The following SLC27A5 variants were observed in gnomAD, a reference collection of about 807,000 sequenced individuals.
The protein encoded by SLC27A5 is solute carrier family 27 member 5.
A neutral mutation model predicts 63.1 loss-of-function variants in SLC27A5; 47 were observed. That is an observed-to-expected ratio of 0.74 (90% CI 0.59 to 0.95). The LOEUF (loss-of-function observed/expected upper bound fraction) is 0.95, where lower values mean the gene tolerates loss of function less well. Among genes scored for constraint, SLC27A5 ranks in the 40% least tolerant of loss-of-function variants. SLC27A5 has a pLI of 0.00. For synonymous variants in SLC27A5, 391 were observed against 403.8 expected (o/e 0.97, Z 0.38); for missense variants, 940 against 921.0 (o/e 1.02, Z -0.27).
chr19:58,499,239 C>T lies in SLC27A5; in HGVS notation c.1668-19G>A, dbSNP rs746537889. ...CTTCCATCTGCAAGGAGGGAGCCGG[C>T]GCTTGTGACCACGCCCCCGGGAAGG... is the stretch of plus-strand genomic sequence containing the variant. On this transcript the variant is annotated intron_variant, in intron 7 of 9. Transcript: ENST00000263093. The T allele has an allele frequency of 3.1e-6, 5 of 1,610,088 alleles. No homozygotes were observed. Among genetic ancestry groups the T allele is most frequent in the Non-Finnish European group, 4.2e-6 (5 of 1,177,638 alleles).
At position 58,499,173 on chromosome 19, in the gene SLC27A5, G is replaced by A; in HGVS notation, c.1715C>T (p.Ser572Leu). 1 of 1,613,992 alleles carries A rather than the reference G, an allele frequency of 6.2e-7. No homozygotes were observed. The highest frequency in any genetic ancestry group is 8.5e-7 in the Non-Finnish European group (1 of 1,180,036). The change falls in exon 8 of 10, where the codon TCG (serine) becomes TTG (leucine). Residue 572 changes from serine to leucine, a missense_variant. Coordinates refer to ENST00000263093, the MANE Select transcript of SLC27A5 (RefSeq NM_012254.3). ...AACCTGTTGCAAGAAGTCCACCTGC[G>A]ACAACACGCCCTCCACCTCGTGCGT... ...VSTHEVEGVL[S>L]QVDFLQQVNV...
chr19:58,502,080 T>C (rs985786175), intron 3 of SLC27A5, among the ~76,000 whole-genome samples: 5 of 152,126 alleles, frequency 3.3e-5, no homozygotes, highest in Non-Finnish European at 7.3e-5. Flanking sequence ...GGCAGGTGGA[T>C]GGATATGGTG....
At chr19:58,510,037 G>T (rs370721451) in intron 2 of SLC27A5, 32 bp from the exon 3 acceptor site, 7 of 1,604,214 alleles carry the variant, frequency 4.4e-6, no homozygotes, top group Non-Finnish European at 6.0e-6. Context: ...GGGCAGGGTG[G>T]TGACATGACA....
At chr19:58,505,259 C>G (rs538985560) in intron 3 of SLC27A5, among the ~76,000 whole-genome samples, 1 of 151,760 alleles carries the variant, frequency 6.6e-6, no homozygotes, top group South Asian at 2.1e-4. Flanking sequence ...ACCACCATAC[C>G]CAGCTAATTT....
chr19:58,508,612 C>G (rs368702990), intron 3 of SLC27A5: 4 of 151,146 alleles, frequency 2.6e-5, no homozygotes, highest in African/African-American at 9.7e-5. Context: ...TCCCCCGATA[C>G]CACCATGCGT....
Position 58,510,057 on chromosome 19 carries a change from G to A in SLC27A5, c.899-52C>T, listed in dbSNP as rs764449743. 5 of 1,577,456 alleles carry A rather than the reference G, an allele frequency of 3.2e-6. No homozygotes were observed. The Admixed American group carries it at 8.6e-5, about 27-fold the overall frequency. Reference sequence around the variant, plus strand: ...GGGTGGTGACATGACAGCACAGAGAGGGGCCTGACCAGAGGGATAGATCTC... The same window carrying A: ...GGGTGGTGACATGACAGCACAGAGAAGGGCCTGACCAGAGGGATAGATCTC... On this transcript the variant is annotated intron_variant, in intron 2 of 9. Coordinates refer to ENST00000263093, the MANE Select transcript of SLC27A5 (RefSeq NM_012254.3).
At chr19:58,501,076 T>C (rs2053268902) in intron 4 of SLC27A5, 2 of 1,206,576 alleles carry the variant, frequency 1.7e-6, no homozygotes, top group Non-Finnish European at 2.2e-6. Flanking sequence ...ATTATCCCTG[T>C]TTTCCAAATG....
chr19:58,499,089 G>C, intron 8 of SLC27A5, 34 bp downstream of exon 8: 2 of 1,611,416 alleles, frequency 1.2e-6, no homozygotes, highest in African/African-American at 2.7e-5. Context: ...CACCCACAAA[G>C]CTGTTGGAAG....
chr19:58,502,294 G>C (rs10427075), intron 3 of SLC27A5, among the ~76,000 whole-genome samples: 2 of 131,574 alleles, frequency 1.5e-5, no homozygotes, highest in African/African-American at 5.6e-5. Flanking sequence ...TGAACAGTTA[G>C]AGTAGTGAGT....
At position 58,500,386 on chromosome 19, in the gene SLC27A5, G is replaced by A. The variant is rs371196997; in HGVS notation, c.1421C>T (p.Ala474Val). 37 of 1,613,486 alleles carry A rather than the reference G, an allele frequency of 2.3e-5. No individual in the cohort carries two copies. Among genetic ancestry groups the A allele is most frequent in the Non-Finnish European group, 3.0e-5 (35 of 1,179,984 alleles). ...GCCCTGATTGTCCCTCACAGGCTCCGCCGCCTCCATGTCGAACTGCACCAG... is the reference window on the plus strand; with the variant it reads ...GCCCTGATTGTCCCTCACAGGCTCCACCGCCTCCATGTCGAACTGCACCAG... ...FELVQFDMEA[A>V]EPVRDNQGFC... is the part of the protein sequence containing the mutation. The change falls in exon 6 of 10, where the codon GCG becomes GTG. Residue 474 changes from alanine (A) to valine (V), a missense_variant. By Grantham distance (64) the Ala-to-Val change is moderately conservative. Coordinates refer to ENST00000263093, the MANE Select transcript of SLC27A5 (RefSeq NM_012254.3).
intron 5 of SLC27A5, 25 bp downstream of exon 5, chr19:58,500,487 G>A (rs1190133847): frequency 1.2e-6 from 2 of 1,613,588 alleles, no homozygotes; most frequent in African/African-American, 1.3e-5. Flanking sequence ...CAGGGCAGCT[G>A]CACACCAGGT....
chr19:58,502,704 CAGTT>C lies in SLC27A5; in HGVS notation c.1058-1298_1058-1295del, dbSNP rs57172109. Among the ~76,000 whole-genome samples the C allele has an allele frequency of 7.0e-5, 10 of 143,690 alleles. No homozygotes were observed. In the South Asian group the frequency reaches 1.8e-3, roughly 25 times the overall value. The allele number at this position is 143,690 out of a possible 152,430, so 94.3% of individuals were successfully genotyped here. A position where few individuals can be genotyped will look rare whatever the true frequency, so the allele number is the denominator to read the frequency against. On this transcript the variant is annotated intron_variant, in intron 3 of 9. Coordinates refer to ENST00000263093, the MANE Select transcript of SLC27A5 (RefSeq NM_012254.3). ...GTGAGTGAGTAGATGGATGGGTGGA[CAGTT>C]AGAGTAGTGAGTGAGTAGATGGATG...
chr19:58,505,298 C>T (rs951996048), intron 3 of SLC27A5, among the ~76,000 whole-genome samples: 1 of 151,660 alleles, frequency 6.6e-6, no homozygotes, highest in African/African-American at 2.4e-5. Context: ...AGGGTTTCAC[C>T]ATGTTGGCCA....
At position 58,498,590 on chromosome 19, in the gene SLC27A5, G is replaced by T. The variant is rs2053235318; in HGVS notation, c.1998C>A (p.Asp666Glu). Reference protein sequence around the residue: ...GIVVDPLFVLDNRAQSFRPLT... With the variant: ...GIVVDPLFVLENRAQSFRPLT... ...GGGGCCGGAAGGACTGGGCCCGGTTGTCCAGTACAAACAGAGGGTCAACCA... is the reference window on the plus strand; with the variant it reads ...GGGGCCGGAAGGACTGGGCCCGGTTTTCCAGTACAAACAGAGGGTCAACCA... The change falls in exon 10 of 10, where the codon GAC becomes GAA. Residue 666 changes from aspartate (D) to glutamate (E), a missense_variant. Coordinates refer to ENST00000263093, the MANE Select transcript of SLC27A5 (RefSeq NM_012254.3). 2 of 1,614,088 alleles carry T rather than the reference G, an allele frequency of 1.2e-6. No homozygotes were observed. Among genetic ancestry groups the T allele is most frequent in the Non-Finnish European group, 1.7e-6 (2 of 1,180,022 alleles).
intron 6 of SLC27A5, 117 bp downstream of exon 6, chr19:58,500,222 G>A (rs1228746220): frequency 1.6e-5 from 13 of 809,258 alleles, no homozygotes; most frequent in Non-Finnish European, 2.4e-5. Context: ...CCAGATGAAG[G>A]CTGCAGACCC....
At chr19:58,510,038 T>A in intron 2 of SLC27A5, 33 bp from the exon 3 acceptor site, 1 of 1,603,586 alleles carries the variant, frequency 6.2e-7, no homozygotes. Context: ...GGCAGGGTGG[T>A]GACATGACAG....
intron 3 of SLC27A5, among the ~76,000 whole-genome samples, chr19:58,502,764 T>C (rs955398028): frequency 6.0e-5 from 9 of 149,742 alleles, no homozygotes; most frequent in Non-Finnish European, 1.2e-4. Flanking sequence ...AGTGAGTAGA[T>C]GGATGGGTGG....
At position 58,511,432 on chromosome 19, in the gene SLC27A5, G is replaced by A. The variant is rs150780205; in HGVS notation, c.524C>T (p.Thr175Ile). 4.1e-4 allele frequency: 656 copies of A among 1,605,002 alleles called. No homozygotes were observed. Among genetic ancestry groups the A allele is most frequent in the Admixed American group, 1.5e-3 (89 of 58,584 alleles). The change falls in exon 1 of 10, where the codon ACT becomes ATT. Residue 175 changes from threonine to isoleucine, a missense_variant. By Grantham distance (89) the Thr-to-Ile change is moderately conservative (BLOSUM62 -1). Transcript: ENST00000263093. ...DPASLCAGEP[T>I]ALLVLASQAV... Reference sequence around the variant, plus strand: ...CTGGGAAGCCAGCACAAGGAGGGCAGTAGGCTCCCCGGCACACAGGCTCGC... The same window carrying A: ...CTGGGAAGCCAGCACAAGGAGGGCAATAGGCTCCCCGGCACACAGGCTCGC...
chr19:58,509,703 G>T (rs2053387764), intron 3 of SLC27A5, 144 bp downstream of exon 3: 10 of 709,396 alleles, frequency 1.4e-5, no homozygotes, highest in African/African-American at 1.8e-5. Context: ...ATGCGGCCCT[G>T]GTAGTCATTG....
Sources: allele counts gnomAD v4.1 joint callset (sites outside exome capture counted in the v4.1 genomes callset), GRCh38; gene constraint gnomAD v4.1.1; transcripts MANE v1.5; gene names NCBI Gene and HGNC (gene_info 2026-07-23, HGNC 2026-07-21).